Variants in UBASH3B observed in about 807,000 individuals in gnomAD.
UBASH3B encodes the protein ubiquitin associated and SH3 domain containing B.
In UBASH3B, 37 loss-of-function variants were observed where a neutral mutation model predicts 83.4. The observed-to-expected ratio is 0.44, with a 90% CI of 0.34 to 0.58. UBASH3B has a LOEUF of 0.58. Among genes scored for constraint, UBASH3B ranks in the 20% least tolerant of loss-of-function variants. The pLI, the probability that UBASH3B is intolerant of heterozygous loss-of-function variation, is 0.01. For missense variants in UBASH3B, 657 were observed against 827.2 expected (o/e 0.79, Z 2.52); for synonymous variants, 304 against 318.3 (o/e 0.96, Z 0.48).
intron 1 of UBASH3B, among the ~76,000 whole-genome samples, chr11:122,761,209 A>T (rs1051042142): frequency 2.0e-5 from 3 of 152,152 alleles, no homozygotes; most frequent in Non-Finnish European, 2.9e-5. Flanking sequence ...ATACTAACCC[A>T]TCCTCCTGGT....
intron 1 of UBASH3B, among the ~76,000 whole-genome samples, chr11:122,747,658 CAG>C (rs1861139985): frequency 6.6e-6 from 1 of 152,206 alleles, no homozygotes; most frequent in African/African-American, 2.4e-5. Flanking sequence ...CGTTTGGAGA[CAG>C]AGTCAAAGCT....
chr11:122,703,362 G>T (rs1310345237), intron 1 of UBASH3B, among the ~76,000 whole-genome samples: 1 of 152,072 alleles, frequency 6.6e-6, no homozygotes, highest in Non-Finnish European at 1.5e-5. Flanking sequence ...AGGAGGCGGA[G>T]GTTGCAGTGG....
At chr11:122,799,321 C>G (rs1861209299) in intron 10 of UBASH3B, among the ~76,000 whole-genome samples, 1 of 152,046 alleles carries the variant, frequency 6.6e-6, no homozygotes. Context: ...AACCCCGTCT[C>G]TAGTAAAAAT....
intron 1 of UBASH3B, among the ~76,000 whole-genome samples, chr11:122,739,568 C>T (rs993919925): frequency 5.9e-5 from 9 of 152,130 alleles, no homozygotes; most frequent in Admixed American, 5.2e-4. Context: ...TATCCATGGT[C>T]GGGTATTGGA....
chr11:122,712,300 A>G (rs1344482259), intron 1 of UBASH3B, among the ~76,000 whole-genome samples: 3 of 152,126 alleles, frequency 2.0e-5, no homozygotes, highest in Non-Finnish European at 4.4e-5. Flanking sequence ...TATTGTCCTC[A>G]AAGTCCTCTG....
intron 1 of UBASH3B, among the ~76,000 whole-genome samples, chr11:122,767,652 A>G (rs1860574037): frequency 6.6e-6 from 1 of 152,162 alleles, no homozygotes; most frequent in East Asian, 1.9e-4. Flanking sequence ...CTATCGGTTA[A>G]CTAAGGGACA....
rs1037374872 is a variant in UBASH3B at position 122,803,150 on chromosome 11, T to G, written c.1595+1818T>G. 1.4e-4 allele frequency among the ~76,000 whole-genome samples: 21 copies of G among 152,326 alleles called. No individual in the cohort carries two copies. In the East Asian group the frequency reaches 4.1e-3, roughly 29 times the overall value. On this transcript the variant is annotated intron_variant, in intron 11 of 13. Coordinates refer to ENST00000284273, the MANE Select transcript of UBASH3B (RefSeq NM_032873.5). ...TCCTCTCCGGCAAATCAGAATTCAA[T>G]TCAACCATTTTCTGTTTGGCGAGGG... is the stretch of plus-strand genomic sequence containing the variant.
chr11:122,749,934 T>C (rs1455314212), intron 1 of UBASH3B, among the ~76,000 whole-genome samples: 1 of 152,200 alleles, frequency 6.6e-6, no homozygotes, highest in Admixed American at 6.5e-5. Context: ...GTTTTTGCCA[T>C]CTTGGCCAGG....
At chr11:122,656,358 G>A in intron 1 of UBASH3B, 148 bp downstream of exon 1, 1 of 809,594 alleles carries the variant, frequency 1.2e-6, no homozygotes, top group East Asian at 3.6e-5. Context: ...TGGGCGCGCT[G>A]GCAACCCGGG....
At chr11:122,727,785 C>T (rs1860769524) in intron 1 of UBASH3B, among the ~76,000 whole-genome samples, 1 of 152,298 alleles carries the variant, frequency 6.6e-6, no homozygotes, top group South Asian at 2.1e-4. Context: ...CAGTTCTGGG[C>T]TGTGATTCAA....
intron 11 of UBASH3B, among the ~76,000 whole-genome samples, chr11:122,804,811 A>G (rs1408591000): frequency 1.3e-5 from 2 of 152,234 alleles, no homozygotes; most frequent in African/African-American, 2.4e-5. Context: ...GCAGTGAAAG[A>G]CAAAATATGA....
intron 1 of UBASH3B, among the ~76,000 whole-genome samples, chr11:122,763,594 C>T (rs998047409): frequency 1.3e-5 from 2 of 152,232 alleles, no homozygotes; most frequent in South Asian, 4.2e-4. Context: ...CTTTTTCTCC[C>T]CATTGGCTGG....
chr11:122,782,309 T>C (rs1230426504), intron 4 of UBASH3B: 6 of 152,070 alleles, frequency 3.9e-5, no homozygotes, highest in African/African-American at 1.4e-4. Flanking sequence ...TTGTTTTGTT[T>C]TGTCTCTTGG....
chr11:122,698,634 C>T lies in UBASH3B; in HGVS notation c.161+42424C>T, dbSNP rs549342695. Among the ~76,000 whole-genome samples the T allele has an allele frequency of 7.2e-5, 11 of 152,160 alleles. No homozygotes were observed. The East Asian group carries it at 1.2e-3, about 16-fold the overall frequency. Reference sequence around the variant, plus strand: ...CCAGGTGTGGGAGCATCCTGGGTGCCGTGTGTGGAGGCTCACTGAGTTGCT... The same window carrying T: ...CCAGGTGTGGGAGCATCCTGGGTGCTGTGTGTGGAGGCTCACTGAGTTGCT... On this transcript the variant is annotated intron_variant, in intron 1 of 13. Transcript: ENST00000284273.
intron 1 of UBASH3B, among the ~76,000 whole-genome samples, chr11:122,725,047 C>T (rs1202251812): frequency 2.1e-5 from 3 of 144,754 alleles, no homozygotes; most frequent in Non-Finnish European, 4.5e-5. Flanking sequence ...CCCACCACCC[C>T]CTAACCCCCA....
intron 1 of UBASH3B, among the ~76,000 whole-genome samples, chr11:122,725,201 C>T (rs535383097): frequency 2.0e-5 from 3 of 151,664 alleles, no homozygotes; most frequent in African/African-American, 4.8e-5. Context: ...AATTCCTGAC[C>T]TCAGGTGATC....
rs1212913945 is a variant in UBASH3B at position 122,776,102 on chromosome 11, C to G, written c.162-117C>G. On this transcript the variant is annotated intron_variant, in intron 1 of 13. Coordinates refer to ENST00000284273, the MANE Select transcript of UBASH3B (RefSeq NM_032873.5). The stretch of plus-strand genomic sequence containing the variant: ...CCTGCTGCAGGTGTCTACTCCCCAC[C>G]ACAGAGGATTGAGTGGAACACAGGC... 1.8e-5 allele frequency: 16 copies of G among 874,064 alleles called. No individual in the cohort carries two copies. The East Asian group carries it at 4.5e-4, about 25-fold the overall frequency. The allele number at this position is 874,064 out of a possible 1,614,324, so 54.1% of individuals were successfully genotyped here.
intron 10 of UBASH3B, among the ~76,000 whole-genome samples, chr11:122,800,679 G>C (rs1222059830): frequency 6.6e-6 from 1 of 151,904 alleles, no homozygotes; most frequent in African/African-American, 2.4e-5. Context: ...CACAATCTTG[G>C]CTCACTACAA....
At chr11:122,799,517 T>G in intron 10 of UBASH3B, among the ~76,000 whole-genome samples, 1 of 151,598 alleles carries the variant, frequency 6.6e-6, no homozygotes, top group East Asian at 1.9e-4. Context: ...TCTGGCAGCC[T>G]AAGCAAAATA....
Sources: gnomAD v4.1 joint callset for allele counts (sites outside exome capture counted in the v4.1 genomes callset) on GRCh38, gnomAD v4.1.1 for gene constraint, MANE v1.5 for transcripts, NCBI Gene and HGNC (gene_info 2026-07-23, HGNC 2026-07-21) for gene names.